The following OPCML variants were observed in gnomAD, a reference collection of about 807,000 sequenced individuals.
The protein encoded by OPCML is opioid binding protein/cell adhesion molecule like, also known as opioid-binding protein/cell adhesion molecule.
OPCML carries 13 observed loss-of-function variants against 37.8 expected under a neutral mutation model. The observed-to-expected ratio is 0.34, with a 90% CI of 0.22 to 0.55. OPCML has a LOEUF of 0.55. Ranked by LOEUF, OPCML falls within the 20% of genes least tolerant of loss-of-function variation. The probability of loss-of-function intolerance (pLI) is 0.91; values close to 1 mark genes in which losing one functional copy is unlikely to be tolerated. For synonymous variants in OPCML, 176 were observed against 168.8 expected (o/e 1.04, Z -0.33); for missense variants, 341 against 435.6 (o/e 0.78, Z 1.93).
At chr11:132,561,042 G>A (rs146655112) in intron 3 of OPCML, among the ~76,000 whole-genome samples, 140 of 152,204 alleles carry the variant, frequency 9.2e-4, no homozygotes, top group African/African-American at 3.2e-3. Flanking sequence ...AATTGTTGTG[G>A]TTCCAGGCCC....
intron 2 of OPCML, among the ~76,000 whole-genome samples, chr11:132,804,146 G>A (rs552021036): frequency 5.3e-5 from 8 of 152,234 alleles, no homozygotes; most frequent in South Asian, 4.1e-4. Context: ...CCCACAGTTC[G>A]CCAGGTTTCT....
chr11:132,794,571 C>T (rs371236290), intron 2 of OPCML, among the ~76,000 whole-genome samples: 1 of 152,092 alleles, frequency 6.6e-6, no homozygotes. Context: ...TGGCTCCCTC[C>T]CCATCTCCCT....
At chr11:132,477,418 A>T (rs1032321150) in intron 4 of OPCML, among the ~76,000 whole-genome samples, 3 of 152,192 alleles carry the variant, frequency 2.0e-5, no homozygotes, top group African/African-American at 7.2e-5. Context: ...TGAGGACTTC[A>T]GGAAAGAGGG....
At position 133,173,247 on chromosome 11, in the gene OPCML, G is replaced by A. The variant is rs1950311966; in HGVS notation, c.62-230237C>T. On this transcript the variant is annotated intron_variant, in intron 1 of 7. Transcript: ENST00000524381. The surrounding 1 kb of genome is among the most constrained non-coding windows in gnomAD (Gnocchi z 7.8). ...TAGAAATAGTCCACATAACTGTGAAGCATTTCTCAGAATGTTATCATTAAC... is the reference window on the plus strand; with the variant it reads ...TAGAAATAGTCCACATAACTGTGAAACATTTCTCAGAATGTTATCATTAAC... Among the ~76,000 whole-genome samples, 1 of 152,178 alleles carries A rather than the reference G, an allele frequency of 6.6e-6. No homozygotes were observed. The highest frequency in any genetic ancestry group is 6.5e-5 in the Admixed American group (1 of 15,278).
At chr11:133,107,297 A>C (rs1218598245) in intron 1 of OPCML, among the ~76,000 whole-genome samples, 1 of 152,214 alleles carries the variant, frequency 6.6e-6, no homozygotes. Context: ...GAGGACATCT[A>C]TCTGCATTTA....
At chr11:132,900,262 A>G (rs1357522022) in intron 2 of OPCML, among the ~76,000 whole-genome samples, 1 of 152,134 alleles carries the variant, frequency 6.6e-6, no homozygotes, top group East Asian at 1.9e-4. Context: ...CAGCCATTCA[A>G]TTAGGCCAGT....
At chr11:132,838,768 T>C (rs1205102400) in intron 2 of OPCML, among the ~76,000 whole-genome samples, 3 of 152,052 alleles carry the variant, frequency 2.0e-5, no homozygotes, top group African/African-American at 7.2e-5. Context: ...GAGTGGAAGT[T>C]TAGAGATCAG....
chr11:133,456,263 T>C (rs984177137), intron 1 of OPCML, among the ~76,000 whole-genome samples: 7 of 152,190 alleles, frequency 4.6e-5, no homozygotes, highest in African/African-American at 1.4e-4. Context: ...GCAGCTATTT[T>C]TGTGGAGAGG....
At chr11:133,066,965 C>T (rs1197636082) in intron 1 of OPCML, 5 of 152,108 alleles carry the variant, frequency 3.3e-5, no homozygotes, top group East Asian at 3.9e-4. Context: ...AGATGTGAGC[C>T]ACCACACCAG....
intron 1 of OPCML, among the ~76,000 whole-genome samples, chr11:133,147,513 CA>C (rs774525974): frequency 9.2e-4 from 140 of 152,272 alleles, no homozygotes; most frequent in Admixed American, 4.1e-3. Context: ...TGGTAAGCAG[CA>C]GTGACTTTGA....
At chr11:133,491,811 C>T (rs940700977) in intron 1 of OPCML, among the ~76,000 whole-genome samples, 1 of 152,064 alleles carries the variant, frequency 6.6e-6, no homozygotes, top group Non-Finnish European at 1.5e-5. Flanking sequence ...TTAGCAGAGC[C>T]GAAATGCCAG....
chr11:132,950,001 G>T (rs918288026), intron 1 of OPCML, among the ~76,000 whole-genome samples: 2 of 152,194 alleles, frequency 1.3e-5, no homozygotes, highest in African/African-American at 4.8e-5. Flanking sequence ...GCTGAGTGAA[G>T]GTTGGAGCTG....
chr11:132,646,728 A>T (rs1941169597), intron 3 of OPCML, among the ~76,000 whole-genome samples: 1 of 152,188 alleles, frequency 6.6e-6, no homozygotes, highest in African/African-American at 2.4e-5. Context: ...CCATGAATAG[A>T]AATGCGAATT....
intron 2 of OPCML, among the ~76,000 whole-genome samples, chr11:132,814,959 G>GA (rs1383350510): frequency 1.3e-5 from 2 of 151,672 alleles, no homozygotes; most frequent in African/African-American, 2.4e-5. Flanking sequence ...GACTCCTTTA[G>GA]AAAAAAAATA....
chr11:133,023,407 A>G (rs1302656863), intron 1 of OPCML, among the ~76,000 whole-genome samples: 2 of 152,222 alleles, frequency 1.3e-5, no homozygotes, highest in Non-Finnish European at 2.9e-5. Context: ...CGGGGATGAA[A>G]GGAGTTATAA....
chr11:133,154,115 G>A (rs1468070858), intron 1 of OPCML, among the ~76,000 whole-genome samples: 2 of 152,006 alleles, frequency 1.3e-5, no homozygotes, highest in Non-Finnish European at 2.9e-5. Context: ...GAGGACCCAC[G>A]CTCATCTGTA....
chr11:133,314,740 G>C (rs80116392), intron 1 of OPCML, among the ~76,000 whole-genome samples: 4,083 of 152,240 alleles, frequency 0.027, 138 homozygotes, highest in African/African-American at 0.069. Flanking sequence ...CGCCTGGCCA[G>C]GACGCTAAGG....
intron 2 of OPCML, among the ~76,000 whole-genome samples, chr11:132,826,533 C>T (rs1229414131): frequency 1.3e-5 from 2 of 152,126 alleles, no homozygotes; most frequent in East Asian, 1.9e-4. Flanking sequence ...TCAGACACTC[C>T]AACAGCCATG....
At position 133,477,716 on chromosome 11, in the gene OPCML, A is replaced by G. The variant is rs1185698505; in HGVS notation, c.61+54548T>C. On this transcript the variant is annotated intron_variant, in intron 1 of 7. Coordinates refer to ENST00000524381, the MANE Select transcript of OPCML (RefSeq NM_001012393.5). ...GGGCCAGGCATTCCTTAGTTTGGGA[A>G]GATCCTTCAAGAGAGAGGAAGGACT... 5.3e-5 allele frequency among the ~76,000 whole-genome samples: 8 copies of G among 152,322 alleles called. No individual in the cohort carries two copies. The South Asian group carries it at 1.5e-3, about 28-fold the overall frequency.
Sources: gnomAD v4.1 joint callset for allele counts (sites outside exome capture counted in the v4.1 genomes callset) on GRCh38, gnomAD v4.1.1 for gene constraint, Gnocchi (gnomAD v3.1) non-coding constraint, MANE v1.5 for transcripts, NCBI Gene and HGNC (gene_info 2026-07-23, HGNC 2026-07-21) for gene names.